Variants in CSNK2A2IP observed in about 807,000 individuals in gnomAD.
The protein encoded by CSNK2A2IP is casein kinase II subunit alpha'-interacting protein.
chr3:88,456,564 GA>G, the CSNK2A2IP span, among the ~76,000 whole-genome samples: 8 of 151,164 alleles, frequency 5.3e-5, no homozygotes, highest in Non-Finnish European at 8.9e-5. Flanking sequence ...CAACTTTACT[GA>G]ATTTGCTTGT....
At chr3:88,400,648 T>C in the CSNK2A2IP span, among the ~76,000 whole-genome samples, 1 of 152,126 alleles carries the variant, frequency 6.6e-6, no homozygotes, top group East Asian at 1.9e-4. Flanking sequence ...CATTGAAGGC[T>C]TTGACGATGA....
the CSNK2A2IP span, among the ~76,000 whole-genome samples, chr3:88,342,725 A>C: frequency 6.6e-6 from 1 of 151,798 alleles, no homozygotes; most frequent in African/African-American, 2.4e-5. Flanking sequence ...AAAAAAACCC[A>C]AAATGCAAAA....
the CSNK2A2IP span, among the ~76,000 whole-genome samples, chr3:88,413,573 C>T: frequency 6.6e-6 from 1 of 151,740 alleles, no homozygotes; most frequent in African/African-American, 2.4e-5. Flanking sequence ...GAAGTACATT[C>T]ACGCCTACTT....
chr3:88,449,818 GAGACACACACACAC>G, the CSNK2A2IP span, among the ~76,000 whole-genome samples: 1,860 of 60,568 alleles, frequency 0.031, 47 homozygotes, highest in East Asian at 0.046. Flanking sequence ...TTTTTATATC[GAGACACACACACAC>G]ACACACACAC....
the CSNK2A2IP span, among the ~76,000 whole-genome samples, chr3:88,355,812 G>A: frequency 6.6e-6 from 1 of 152,036 alleles, no homozygotes; most frequent in East Asian, 1.9e-4. Context: ...TCTTGTGTGG[G>A]CAAATGGTCT....
the CSNK2A2IP span, among the ~76,000 whole-genome samples, chr3:88,464,819 A>G: frequency 3.3e-5 from 5 of 152,214 alleles, no homozygotes; most frequent in Non-Finnish European, 7.3e-5. Context: ...CATCTATAAT[A>G]TCTTGGCACT....
chr3:88,378,795 C>T, the CSNK2A2IP span, among the ~76,000 whole-genome samples: 3 of 151,954 alleles, frequency 2.0e-5, no homozygotes, highest in East Asian at 1.9e-4. Flanking sequence ...ATGCATCTTG[C>T]ACATTTATCT....
chr3:88,383,522 G>T, the CSNK2A2IP span, among the ~76,000 whole-genome samples: 2 of 152,260 alleles, frequency 1.3e-5, no homozygotes, highest in East Asian at 3.9e-4. Flanking sequence ...GATACCCAGG[G>T]AGCCACTTTA....
chr3:88,435,733 C>T, the CSNK2A2IP span, among the ~76,000 whole-genome samples: 1 of 151,990 alleles, frequency 6.6e-6, no homozygotes, highest in African/African-American at 2.4e-5. Context: ...ATCATTGTTA[C>T]ATGGTGAGGA....
At chr3:88,454,775 C>T in the CSNK2A2IP span, among the ~76,000 whole-genome samples, 1 of 151,800 alleles carries the variant, frequency 6.6e-6, no homozygotes, top group Non-Finnish European at 1.5e-5. Context: ...CTCATAGTTA[C>T]CATTATTTTG....
At chr3:88,441,991 TA>T in the CSNK2A2IP span, among the ~76,000 whole-genome samples, 1,559 of 152,238 alleles carry the variant, frequency 0.01, 29 homozygotes, top group African/African-American at 0.035. Flanking sequence ...TGGGAGGTTT[TA>T]AAAAAATTTT....
chr3:88,368,999 C>A, the CSNK2A2IP span, among the ~76,000 whole-genome samples: 1 of 152,154 alleles, frequency 6.6e-6, no homozygotes, highest in Non-Finnish European at 1.5e-5. Flanking sequence ...TTAGGTAAAT[C>A]AGGCCCACAT....
At chr3:88,412,029 A>G in the CSNK2A2IP span, among the ~76,000 whole-genome samples, 1 of 151,838 alleles carries the variant, frequency 6.6e-6, no homozygotes, top group Non-Finnish European at 1.5e-5. Context: ...CCCAAGAGAA[A>G]GGGTAATATA....
chr3:88,406,309 A>T, the CSNK2A2IP span, among the ~76,000 whole-genome samples: 8 of 152,222 alleles, frequency 5.3e-5, no homozygotes, highest in African/African-American at 1.9e-4. Flanking sequence ...TTCTTAATGC[A>T]TAATGGTTAT....
chr3:88,346,903 T>G, the CSNK2A2IP span, among the ~76,000 whole-genome samples: 1 of 150,172 alleles, frequency 6.7e-6, no homozygotes, highest in Non-Finnish European at 1.5e-5. Flanking sequence ...TCTAGGAAAG[T>G]TAAATTAAAA....
chr3:88,436,321 G>A, the CSNK2A2IP span, among the ~76,000 whole-genome samples: 1 of 152,058 alleles, frequency 6.6e-6, no homozygotes. Context: ...AAGTCATTAA[G>A]GGAGATTTCA....
the CSNK2A2IP span, chr3:88,465,336 A>C: frequency 8.1e-7 from 1 of 1,228,690 alleles, no homozygotes; most frequent in Non-Finnish European, 1.0e-6. Flanking sequence ...TGCTTTTAAA[A>C]AGACCTCTAC....
At chr3:88,428,304 A>G in the CSNK2A2IP span, among the ~76,000 whole-genome samples, 1 of 152,134 alleles carries the variant, frequency 6.6e-6, no homozygotes, top group Non-Finnish European at 1.5e-5. Flanking sequence ...TTACAGGCTC[A>G]TAGGTTGAAG....
chr3:88,435,685 G>T, the CSNK2A2IP span, among the ~76,000 whole-genome samples: 2 of 152,020 alleles, frequency 1.3e-5, no homozygotes, highest in Admixed American at 1.3e-4. Flanking sequence ...CTAATGGCAC[G>T]TAGAGTACAA....
Sources: allele counts gnomAD v4.1 joint callset (sites outside exome capture counted in the v4.1 genomes callset), GRCh38; gene constraint gnomAD v4.1.1; transcripts MANE v1.5; gene names NCBI Gene and HGNC (gene_info 2026-07-23, HGNC 2026-07-21).